Variants in MCTS1 observed in about 807,000 individuals in gnomAD.
MCTS1 encodes the protein malignant T-cell-amplified sequence 1.
For synonymous variants in MCTS1, 26 were observed against 40.8 expected, an observed-to-expected ratio of 0.64 and a Z score of 1.38; for missense variants, 55 against 128.6, an observed-to-expected ratio of 0.43 and a Z score of 2.77.
intron 4 of MCTS1, among the ~76,000 whole-genome samples, chrX:120,609,180 G>A (rs1242523672): frequency 9.0e-6 from 1 of 111,375 alleles, no homozygotes; most frequent in East Asian, 2.8e-4. Flanking sequence ...TTTAGAGTGT[G>A]TTTATCTTAT....
Position 120,612,660 on chromosome X carries a change from C to CGTGTGT in MCTS1, c.*417_*422dup, listed in dbSNP as rs10563395. 6.7e-4 allele frequency among the ~76,000 whole-genome samples: 65 copies of CGTGTGT among 97,410 alleles called. No homozygotes were observed. The highest frequency in any genetic ancestry group is 2.3e-3 in the African/African-American group (59 of 25,711). The allele number at this position is 97,410 out of a possible 115,157, so 84.6% of individuals were successfully genotyped here. A position where few individuals can be genotyped will look rare whatever the true frequency, so the allele number is the denominator to read the frequency against. ...CAGGGGACCCAGCAGTGCTCATTCTCGTGTGTGTGTGTGTGTGTGTGTGTG... is the reference window on the plus strand; with the variant it reads ...CAGGGGACCCAGCAGTGCTCATTCTCGTGTGTGTGTGTGTGTGTGTGTGTGTGTGTG... On this transcript the variant is annotated 3_prime_UTR_variant, in exon 6 of 6. Transcript: ENST00000371317.
chrX:120,618,015 G>A lies in MCTS1; in HGVS notation c.*5751G>A, dbSNP rs889757940. 1.8e-5 allele frequency among the ~76,000 whole-genome samples: 2 copies of A among 112,631 alleles called. No homozygotes were observed. Among genetic ancestry groups the A allele is most frequent in the Admixed American group, 9.4e-5 (1 of 10,662 alleles). On this transcript the variant is annotated 3_prime_UTR_variant, in exon 6 of 6. Coordinates refer to ENST00000371317, the MANE Select transcript of MCTS1 (RefSeq NM_014060.3). ...TTATTCTTACCACCTCTTTCAAAAAGGGATGTTGTCTTTGTCCCCAAATTC... is the reference window on the plus strand; with the variant it reads ...TTATTCTTACCACCTCTTTCAAAAAAGGATGTTGTCTTTGTCCCCAAATTC...
rs1206649994 is a variant in MCTS1, at chrX:120,614,522, C to T, written c.*2258C>T. 1.8e-5 allele frequency among the ~76,000 whole-genome samples: 2 copies of T among 111,934 alleles called. No individual in the cohort carries two copies. Among genetic ancestry groups the T allele is most frequent in the African/African-American group, 6.5e-5 (2 of 30,813 alleles). ...ATGTTATGACAGTTTTATTCTGCAG[C>T]TTACCATATTATTTATTCCTGGTCC... On this transcript the variant is annotated 3_prime_UTR_variant, in exon 6 of 6. Transcript: ENST00000371317.
chrX:120,612,116 T>C (rs1361808729), intron 5 of MCTS1, 67 bp from the exon 6 acceptor site: 2 of 802,503 alleles, frequency 2.5e-6, no homozygotes, highest in African/African-American at 4.1e-5. Flanking sequence ...CTTTGAATTA[T>C]ATTTATCACG....
intron 5 of MCTS1, among the ~76,000 whole-genome samples, chrX:120,611,621 T>C (rs1926688791): frequency 9.0e-6 from 1 of 111,208 alleles, no homozygotes; most frequent in East Asian, 2.8e-4. Flanking sequence ...GGTTTCACCA[T>C]GTTGGCCAGG....
chrX:120,611,965 A>G (rs771489963), intron 5 of MCTS1, among the ~76,000 whole-genome samples: 26 of 112,183 alleles, frequency 2.3e-4, no homozygotes, highest in East Asian at 1.7e-3. Context: ...CTCTGGTTCT[A>G]TAGACCCACT....
At chrX:120,610,647 A>G (rs770167808) in intron 4 of MCTS1, among the ~76,000 whole-genome samples, 1 of 112,837 alleles carries the variant, frequency 8.9e-6, no homozygotes, top group South Asian at 3.6e-4. Flanking sequence ...GTCAGTGATC[A>G]GAATAATTAA....
At chrX:120,612,119 T>G (rs1424301923) in intron 5 of MCTS1, 64 bp from the exon 6 acceptor site, 3 of 814,170 alleles carry the variant, frequency 3.7e-6, no homozygotes, top group Non-Finnish European at 5.4e-6. Context: ...TGAATTATAT[T>G]TATCACGAGT....
In MCTS1 at chrX:120,609,777, C is replaced by T. The variant is rs766652073; in HGVS notation, c.397-1234C>T. ...AAATTTCCTTAGTACCTAGTCTTTA[C>T]TTTTAAAAATAATTTTTATTTTGAA... On this transcript the variant is annotated intron_variant, in intron 4 of 5. Coordinates refer to ENST00000371317, the MANE Select transcript of MCTS1 (RefSeq NM_014060.3). Among the ~76,000 whole-genome samples, 8 of 111,424 alleles carry T rather than the reference C, an allele frequency of 7.2e-5. 1 individual carries two copies. The East Asian group carries it at 8.4e-4, about 12-fold the overall frequency.
At chrX:120,609,677 TTTG>T (rs1276289559) in intron 4 of MCTS1, among the ~76,000 whole-genome samples, 1 of 111,866 alleles carries the variant, frequency 8.9e-6, no homozygotes, top group Non-Finnish European at 1.9e-5. Context: ...GGACGGGTTT[TTTG>T]TTGTTGTTGT....
In MCTS1 at chrX:120,619,872, G is replaced by T. The variant is rs1926965835; in HGVS notation, c.*7608G>T. On this transcript the variant is annotated 3_prime_UTR_variant, in exon 6 of 6. Coordinates refer to ENST00000371317, the MANE Select transcript of MCTS1 (RefSeq NM_014060.3). ...TTTTCCTATTATTAGTCACTTTCAAGCCAGGTGATTTGTGACCATTTAAAT... is the reference window on the plus strand; with the variant it reads ...TTTTCCTATTATTAGTCACTTTCAATCCAGGTGATTTGTGACCATTTAAAT... 8.9e-6 allele frequency among the ~76,000 whole-genome samples: 1 copy of T among 111,910 alleles called. No individual in the cohort carries two copies. The highest frequency in any genetic ancestry group is 1.9e-5 in the Non-Finnish European group (1 of 53,247).
intron 3 of MCTS1, among the ~76,000 whole-genome samples, chrX:120,607,875 A>G (rs1926582748): frequency 9.0e-6 from 1 of 110,680 alleles, no homozygotes; most frequent in Non-Finnish European, 1.9e-5. Flanking sequence ...ACATTATATC[A>G]CAAAAATTTC....
intron 3 of MCTS1, among the ~76,000 whole-genome samples, chrX:120,607,495 T>C (rs761726265): frequency 4.5e-5 from 5 of 111,501 alleles, no homozygotes; most frequent in Admixed American, 9.6e-5. Flanking sequence ...CAGGCTTTTA[T>C]TTTTTAGAGC....
In MCTS1 at chrX:120,616,285, C is replaced by T. The variant is rs562344250; in HGVS notation, c.*4021C>T. On this transcript the variant is annotated 3_prime_UTR_variant, in exon 6 of 6. Coordinates refer to ENST00000371317, the MANE Select transcript of MCTS1 (RefSeq NM_014060.3). ...GAAAGAAAAACAGTGAAAATGTATGCATCAGTTTCTAAAGAAATCATACTT... is the reference window on the plus strand; with the variant it reads ...GAAAGAAAAACAGTGAAAATGTATGTATCAGTTTCTAAAGAAATCATACTT... Among the ~76,000 whole-genome samples, 1 of 107,678 alleles carries T rather than the reference C, an allele frequency of 9.3e-6. No individual in the cohort carries two copies. The allele number at this position is 107,678 out of a possible 115,157, so 93.5% of individuals were successfully genotyped here.
At chrX:120,609,763 G>A (rs867574328) in intron 4 of MCTS1, among the ~76,000 whole-genome samples, 1 of 111,639 alleles carries the variant, frequency 9.0e-6, no homozygotes, top group Non-Finnish European at 1.9e-5. Flanking sequence ...AATTTCCTTA[G>A]TACCTAGTCT....
chrX:120,617,745 A>G lies in MCTS1; in HGVS notation c.*5481A>G, dbSNP rs183639803. ...TTTTAATTTCTTATCACAAGACTCG[A>G]TTGTCAATAACTGTTAACGTCCATT... On this transcript the variant is annotated 3_prime_UTR_variant, in exon 6 of 6. Transcript: ENST00000371317. Among the ~76,000 whole-genome samples the G allele has an allele frequency of 4.0e-4, 45 of 112,084 alleles. No individual in the cohort carries two copies. Among genetic ancestry groups the G allele is most frequent in the East Asian group, 3.6e-3 (13 of 3,585 alleles).
chrX:120,604,256 A>G lies in MCTS1; in HGVS notation c.11+9A>G. 9.1e-7 allele frequency: 1 copy of G among 1,094,064 alleles called. No homozygotes were observed. Among genetic ancestry groups the G allele is most frequent in the African/African-American group, 1.9e-5 (1 of 52,743 alleles). 90.2% of individuals were successfully genotyped at this position (1,094,064 alleles called of 1,213,427 possible). ...TGGATCATGTTCAAGAAGTAAGGAC[A>G]TGCTGTGGCCTCCATCGGCTGCTCA... On this transcript the variant is annotated intron_variant, in intron 1 of 5. Coordinates refer to ENST00000371317, the MANE Select transcript of MCTS1 (RefSeq NM_014060.3).
intron 1 of MCTS1, chrX:120,604,535 A>G (rs1602606833): frequency 1.7e-6 from 1 of 598,307 alleles, no homozygotes. Context: ...CTAGGGTTCT[A>G]CCAATCACAT....
intron 2 of MCTS1, 122 bp downstream of exon 2, chrX:120,605,681 C>T (rs1302938352): frequency 1.5e-6 from 1 of 677,984 alleles, no homozygotes; most frequent in Non-Finnish European, 2.1e-6. Context: ...ATGGGGTAGA[C>T]ACAGAATAAC....
Sources: allele counts gnomAD v4.1 joint callset (sites outside exome capture counted in the v4.1 genomes callset), GRCh38; gene constraint gnomAD v4.1.1; transcripts MANE v1.5; gene names NCBI Gene and HGNC (gene_info 2026-07-23, HGNC 2026-07-21).